THRB: variants seen among roughly 807,000 people sequenced by gnomAD.
The protein encoded by THRB is nuclear receptor subfamily 1 group A member 2.
Under a neutral mutation model 47.8 loss-of-function variants are expected in THRB, and 12 were observed. The ratio of observed to expected loss-of-function variants is 0.25; its 90% CI spans 0.16 to 0.41. THRB has a LOEUF of 0.41. THRB is among the 10% of genes least tolerant of loss of function. THRB has a pLI of 1.00. For missense variants in THRB, 348 were observed against 589.2 expected, an observed-to-expected ratio of 0.59 and a Z score of 4.24; for synonymous variants, 218 against 212.2, an observed-to-expected ratio of 1.03 and a Z score of -0.24.
intron 5 of THRB, among the ~76,000 whole-genome samples, chr3:24,173,439 T>A (rs1269428333): frequency 6.6e-6 from 1 of 152,162 alleles, no homozygotes; most frequent in Non-Finnish European, 1.5e-5. Context: ...GCCTCTACTT[T>A]GAGTTTTGGT....
chr3:24,470,680 G>T (rs1413456216), intron 1 of THRB, among the ~76,000 whole-genome samples: 1 of 152,064 alleles, frequency 6.6e-6, no homozygotes, highest in Non-Finnish European at 1.5e-5. Flanking sequence ...GCAATGGTGC[G>T]ATCTCGGCTC....
intron 3 of THRB, among the ~76,000 whole-genome samples, chr3:24,240,362 T>A (rs1057187557): frequency 2.6e-4 from 39 of 152,106 alleles, no homozygotes; most frequent in African/African-American, 9.4e-4. Context: ...CCGCGTCAAA[T>A]GGGGAGGCTG....
At chr3:24,183,519 C>T (rs1203117557) in intron 5 of THRB, among the ~76,000 whole-genome samples, 5 of 151,304 alleles carry the variant, frequency 3.3e-5, no homozygotes, top group African/African-American at 1.2e-4. Flanking sequence ...AGGCACACGC[C>T]ACCATCCCCA....
At chr3:24,320,640 CT>C (rs1418768533) in intron 2 of THRB, among the ~76,000 whole-genome samples, 1 of 151,982 alleles carries the variant, frequency 6.6e-6, no homozygotes, top group Admixed American at 6.6e-5. Flanking sequence ...GTTGGTGTTT[CT>C]AGTATTAAAT....
chr3:24,285,583 T>TA (rs1286385625), intron 3 of THRB, among the ~76,000 whole-genome samples: 16 of 147,260 alleles, frequency 1.1e-4, no homozygotes, highest in South Asian at 8.7e-4. Context: ...AAAGTATAAT[T>TA]AAAAAAAAAA....
intron 1 of THRB, among the ~76,000 whole-genome samples, chr3:24,357,551 A>G (rs1269773131): frequency 6.6e-6 from 1 of 152,022 alleles, no homozygotes; most frequent in Non-Finnish European, 1.5e-5. Context: ...TGTTCCTGGC[A>G]TACACATACA....
intron 1 of THRB, among the ~76,000 whole-genome samples, chr3:24,438,781 G>T (rs1028113722): frequency 3.3e-5 from 5 of 152,276 alleles, no homozygotes; most frequent in African/African-American, 1.2e-4. Flanking sequence ...CGGTAAGAGA[G>T]TAGATGAGAA....
At chr3:24,200,614 A>G (rs1029064542) in intron 4 of THRB, among the ~76,000 whole-genome samples, 2 of 152,206 alleles carry the variant, frequency 1.3e-5, no homozygotes, top group Non-Finnish European at 2.9e-5. Context: ...TTTTCATAGA[A>G]TCTCACTACA....
intron 1 of THRB, among the ~76,000 whole-genome samples, chr3:24,395,918 T>C (rs1450007626): frequency 6.6e-6 from 1 of 152,124 alleles, no homozygotes; most frequent in African/African-American, 2.4e-5. Context: ...TGGTTCCGTT[T>C]ATATGGAATA....
Position 24,460,299 on chromosome 3 carries a change from T to C in THRB, c.-261+34353A>G, listed in dbSNP as rs116311407. 4.2e-3 allele frequency among the ~76,000 whole-genome samples: 633 copies of C among 152,216 alleles called. 6 individuals carry two copies. The highest frequency in any genetic ancestry group is 0.015 in the African/African-American group (612 of 41,528). ...CATACTGGGTAAATGAATCTATGGG[T>C]TTAAATTATAAAGCAAACATCATCA... On this transcript the variant is annotated intron_variant, in intron 1 of 10. Transcript: ENST00000646209.
chr3:24,370,266 A>G (rs535288461), intron 1 of THRB, among the ~76,000 whole-genome samples: 3 of 152,228 alleles, frequency 2.0e-5, no homozygotes, highest in South Asian at 4.1e-4. Flanking sequence ...TGGACAGACC[A>G]TTCTCACCAT....
At chr3:24,263,877 T>C (rs1008058953) in intron 3 of THRB, among the ~76,000 whole-genome samples, 4 of 152,204 alleles carry the variant, frequency 2.6e-5, no homozygotes, top group Non-Finnish European at 5.9e-5. Context: ...ATGTAATAAG[T>C]ACACAAGTCC....
chr3:24,182,447 G>C lies in THRB; in HGVS notation c.283+7627C>G, dbSNP rs558478534. ...TTTGTCTGAAAACTACCTGATGGAAGAGTCAAGGGATTTGGCTATTACATC... is the reference window on the plus strand; with the variant it reads ...TTTGTCTGAAAACTACCTGATGGAACAGTCAAGGGATTTGGCTATTACATC... On this transcript the variant is annotated intron_variant, in intron 5 of 10. Coordinates refer to ENST00000646209, the MANE Select transcript of THRB (RefSeq NM_001354712.2). Among the ~76,000 whole-genome samples, 21 of 152,248 alleles carry C rather than the reference G, an allele frequency of 1.4e-4. No individual in the cohort carries two copies. In the South Asian group the frequency reaches 1.7e-3, roughly 12 times the overall value.
At chr3:24,232,318 G>C (rs918386862) in intron 3 of THRB, among the ~76,000 whole-genome samples, 11 of 152,222 alleles carry the variant, frequency 7.2e-5, no homozygotes, top group Non-Finnish European at 1.6e-4. Flanking sequence ...ACTGTGGCCT[G>C]TCCACAAGCA....
rs548947816 is a variant in THRB at position 24,464,038 on chromosome 3, A to G, written c.-261+30614T>C. Among the ~76,000 whole-genome samples the G allele has an allele frequency of 8.5e-5, 13 of 152,274 alleles. No homozygotes were observed. In the South Asian group the frequency reaches 2.7e-3, roughly 32 times the overall value. On this transcript the variant is annotated intron_variant, in intron 1 of 10. Coordinates refer to ENST00000646209, the MANE Select transcript of THRB (RefSeq NM_001354712.2). The stretch of plus-strand genomic sequence containing the variant: ...GAGGTGGGCGGATCACGAGGTCAGG[A>G]GATCGAAACCATCCTGGCTAACACG...
chr3:24,135,847 A>AAT (rs2034595207), intron 8 of THRB, among the ~76,000 whole-genome samples: 1 of 131,004 alleles, frequency 7.6e-6, no homozygotes, highest in African/African-American at 3.2e-5. Context: ...ATATATATAT[A>AAT]ATACATAAAT....
chr3:24,467,541 T>A (rs770285093), intron 1 of THRB, among the ~76,000 whole-genome samples: 1 of 152,258 alleles, frequency 6.6e-6, no homozygotes, highest in African/African-American at 2.4e-5. Context: ...AATTACTCTT[T>A]GATCCATAGG....
intron 1 of THRB, among the ~76,000 whole-genome samples, chr3:24,343,064 T>C (rs546170189): frequency 5.5e-4 from 84 of 152,294 alleles, no homozygotes; most frequent in Non-Finnish European, 9.6e-4. Flanking sequence ...GAGCAAAGGA[T>C]AATATAATAC....
chr3:24,268,844 T>C (rs1043315800), intron 3 of THRB, among the ~76,000 whole-genome samples: 20 of 152,256 alleles, frequency 1.3e-4, no homozygotes, highest in Admixed American at 5.2e-4. Context: ...TTCTATTATA[T>C]AAATAATTAA....
Sources: allele counts gnomAD v4.1 joint callset (sites outside exome capture counted in the v4.1 genomes callset), GRCh38; gene constraint gnomAD v4.1.1; transcripts MANE v1.5; gene names NCBI Gene and HGNC (gene_info 2026-07-23, HGNC 2026-07-21).